NPSR1: variants seen among roughly 807,000 people sequenced by gnomAD.
NPSR1 encodes neuropeptide S receptor 1.
A neutral mutation model predicts 46.9 loss-of-function variants in NPSR1; 48 were observed. That is an observed-to-expected ratio of 1.02 (90% CI 0.81 to 1.30). The LOEUF (loss-of-function observed/expected upper bound fraction) is 1.30, where lower values mean the gene tolerates loss of function less well. NPSR1 is among the 50% of genes most tolerant of loss of function. The pLI is 0.00. For missense variants in NPSR1, 450 were observed against 449.5 expected (o/e 1.00, Z -0.01); for synonymous variants, 176 against 168.1 (o/e 1.05, Z -0.36).
intron 2 of NPSR1, among the ~76,000 whole-genome samples, chr7:34,690,825 C>T (rs1321653424): frequency 6.6e-6 from 1 of 152,074 alleles, no homozygotes; most frequent in African/African-American, 2.4e-5. Flanking sequence ...TTCAGAAAAG[C>T]TTCTTTGGTT....
chr7:34,787,977 C>A (rs1787540032), intron 3 of NPSR1, among the ~76,000 whole-genome samples: 2 of 152,006 alleles, frequency 1.3e-5, no homozygotes, highest in African/African-American at 2.4e-5. Context: ...AAATGACAGA[C>A]TTGCTCAACA....
chr7:34,857,428 A>G (rs1176605964), intron 8 of NPSR1, among the ~76,000 whole-genome samples: 1 of 151,844 alleles, frequency 6.6e-6, no homozygotes, highest in Non-Finnish European at 1.5e-5. Context: ...AGCAAATGGA[A>G]TAGAAAAGGA....
chr7:34,773,932 C>G (rs141152761), intron 2 of NPSR1, among the ~76,000 whole-genome samples: 1 of 152,122 alleles, frequency 6.6e-6, no homozygotes, highest in African/African-American at 2.4e-5. Flanking sequence ...GTGCCCACTC[C>G]CATAGTCCCA....
chr7:34,790,986 T>TG (rs1787785649), intron 3 of NPSR1, among the ~76,000 whole-genome samples: 2 of 110,394 alleles, frequency 1.8e-5, no homozygotes, highest in African/African-American at 6.6e-5. Flanking sequence ...ATATGTTATA[T>TG]TATATATGTT....
intron 3 of NPSR1, among the ~76,000 whole-genome samples, chr7:34,782,675 T>G (rs1004617110): frequency 1.3e-5 from 2 of 152,114 alleles, no homozygotes; most frequent in African/African-American, 4.8e-5. Flanking sequence ...TTGATGTGTG[T>G]GCATTTGACT....
chr7:34,728,502 G>A lies in NPSR1; in HGVS notation c.280+43818G>A, dbSNP rs150900753. Among the ~76,000 whole-genome samples, 45 of 152,306 alleles carry A rather than the reference G, an allele frequency of 3.0e-4. 1 individual carries two copies. The East Asian group carries it at 7.7e-3, about 26-fold the overall frequency. On this transcript the variant is annotated intron_variant, in intron 2 of 8. Transcript: ENST00000360581. ...CTCAGAAGCTCCAGGTAGAGCAGAC[G>A]CTCTTGCCTTAATCTTTAAAAATAA...
In NPSR1 at chr7:34,849,726, C is replaced by T. The variant is rs910220380; in HGVS notation, c.*71C>T. 1.4e-5 allele frequency: 23 copies of T among 1,591,642 alleles called. No homozygotes were observed. The highest frequency in any genetic ancestry group is 1.9e-4 in the Middle Eastern group (1 of 5,138). ...CAGGTCCTTGTCACCTGCTTGGGCA[C>T]GTGCATGGAACCCGAGCCAACTTCA... is the stretch of plus-strand genomic sequence containing the variant. On this transcript the variant is annotated 3_prime_UTR_variant, in exon 9 of 9. Transcript: ENST00000360581.
chr7:34,724,812 A>G (rs1035302188), intron 2 of NPSR1, among the ~76,000 whole-genome samples: 1 of 152,182 alleles, frequency 6.6e-6, no homozygotes, highest in Non-Finnish European at 1.5e-5. Flanking sequence ...ACAGTAGGTG[A>G]CCAATAAATG....
At chr7:34,695,710 T>C (rs1398812176) in intron 2 of NPSR1, among the ~76,000 whole-genome samples, 2 of 152,036 alleles carry the variant, frequency 1.3e-5, no homozygotes, top group African/African-American at 4.8e-5. Flanking sequence ...AAAGGCTCAA[T>C]ATCACTAATC....
chr7:34,723,775 C>CTT (rs1455595451), intron 2 of NPSR1, among the ~76,000 whole-genome samples: 1 of 152,120 alleles, frequency 6.6e-6, no homozygotes, highest in East Asian at 1.9e-4. Flanking sequence ...CGGAGCAGGG[C>CTT]TTTGGGTGTG....
intron 3 of NPSR1, among the ~76,000 whole-genome samples, chr7:34,799,057 A>G (rs1271145263): frequency 6.6e-6 from 1 of 152,154 alleles, no homozygotes; most frequent in Admixed American, 6.5e-5. Context: ...TAGAGAAAGA[A>G]AAGAAATGTA....
At chr7:34,866,763 C>A (rs1274230285) in intron 8 of NPSR1, among the ~76,000 whole-genome samples, 1 of 151,484 alleles carries the variant, frequency 6.6e-6, no homozygotes, top group Non-Finnish European at 1.5e-5. Context: ...GGAGAGTAAG[C>A]TAGGTGAATT....
chr7:34,802,272 A>C lies in NPSR1; in HGVS notation c.385-9498A>C, dbSNP rs191246983. Among the ~76,000 whole-genome samples, 92 of 150,506 alleles carry C rather than the reference A, an allele frequency of 6.1e-4. 5 individuals carry two copies. Among genetic ancestry groups the C allele is most frequent in the African/African-American group, 2.3e-3 (90 of 39,830 alleles). ...CACATCGCGAAGTCAATCCTAAGCC[A>C]AAAGAACAAAGCTGGAGGCATCACA... On this transcript the variant is annotated intron_variant, in intron 3 of 8. Coordinates refer to ENST00000360581, the MANE Select transcript of NPSR1 (RefSeq NM_207172.2).
At chr7:34,763,477 C>G (rs2128729976) in intron 2 of NPSR1, among the ~76,000 whole-genome samples, 1 of 152,000 alleles carries the variant, frequency 6.6e-6, no homozygotes, top group East Asian at 1.9e-4. Flanking sequence ...AAATAATAAT[C>G]TCTGTTATCC....
chr7:34,782,978 T>A (rs1787299640), intron 3 of NPSR1, among the ~76,000 whole-genome samples: 1 of 151,914 alleles, frequency 6.6e-6, no homozygotes, highest in Non-Finnish European at 1.5e-5. Flanking sequence ...TAAAAAACAT[T>A]ATAAATGAAA....
intron 7 of NPSR1, 88 bp from the exon 8 acceptor site, chr7:34,848,395 C>A: frequency 4.6e-6 from 5 of 1,090,364 alleles, no homozygotes; most frequent in Non-Finnish European, 5.4e-6. Flanking sequence ...CCCAAAGAAC[C>A]TCTCAGGTAA....
At chr7:34,792,711 A>ATT (rs1441882811) in intron 3 of NPSR1, among the ~76,000 whole-genome samples, 39 of 126,020 alleles carry the variant, frequency 3.1e-4, no homozygotes, top group Admixed American at 7.0e-4. Flanking sequence ...GTATATATAT[A>ATT]TATTTATATA....
intron 2 of NPSR1, chr7:34,710,862 T>C: frequency 2.1e-6 from 1 of 471,490 alleles, no homozygotes; most frequent in East Asian, 5.3e-5. Flanking sequence ...GAGAAACAAG[T>C]TTGCCTCAAG....
chr7:34,703,429 C>T (rs1442589680), intron 2 of NPSR1, among the ~76,000 whole-genome samples: 1 of 151,548 alleles, frequency 6.6e-6, no homozygotes, highest in Non-Finnish European at 1.5e-5. Flanking sequence ...TCACTTTAGC[C>T]AGCGCATCAG....
Sources: gnomAD v4.1 joint callset for allele counts (sites outside exome capture counted in the v4.1 genomes callset) on GRCh38, gnomAD v4.1.1 for gene constraint, MANE v1.5 for transcripts, NCBI Gene and HGNC (gene_info 2026-07-23, HGNC 2026-07-21) for gene names.